The following KCNJ6 variants were observed in gnomAD, a reference collection of about 807,000 sequenced individuals.
The protein encoded by KCNJ6 is potassium inwardly rectifying channel subfamily J member 6.
In KCNJ6, 9 loss-of-function variants were observed where a neutral mutation model predicts 34.2. That is an observed-to-expected ratio of 0.26 (90% CI 0.16 to 0.46). The LOEUF (loss-of-function observed/expected upper bound fraction) is 0.46, where lower values mean the gene tolerates loss of function less well. Among genes scored for constraint, KCNJ6 ranks in the 20% least tolerant of loss-of-function variants. KCNJ6 has a pLI of 1.00. For missense variants in KCNJ6, 236 were observed against 531.3 expected, an observed-to-expected ratio of 0.44 and a Z score of 5.46; for synonymous variants, 196 against 207.1, an observed-to-expected ratio of 0.95 and a Z score of 0.46.
chr21:37,885,696 A>G (rs1447083475), intron 1 of KCNJ6, among the ~76,000 whole-genome samples: 1 of 152,206 alleles, frequency 6.6e-6, no homozygotes, highest in Non-Finnish European at 1.5e-5. Context: ...GCCTCAAGGA[A>G]TTGAATTCTG....
chr21:37,888,915 A>C (rs924362679), intron 1 of KCNJ6, among the ~76,000 whole-genome samples: 14 of 152,366 alleles, frequency 9.2e-5, no homozygotes, highest in African/African-American at 3.4e-4. Context: ...TCATCAAGGT[A>C]TAACCTGAGG....
chr21:37,814,758 C>T (rs910006386), intron 2 of KCNJ6, among the ~76,000 whole-genome samples: 17 of 151,872 alleles, frequency 1.1e-4, no homozygotes, highest in African/African-American at 3.4e-4. Flanking sequence ...ATTAGCCAGG[C>T]GTGGTGGCGG....
intron 2 of KCNJ6, among the ~76,000 whole-genome samples, chr21:37,808,455 C>G (rs1011982837): frequency 6.6e-6 from 1 of 152,198 alleles, no homozygotes; most frequent in Non-Finnish European, 1.5e-5. Flanking sequence ...ACCACCTCCT[C>G]TCAGAAATGC....
intron 2 of KCNJ6, among the ~76,000 whole-genome samples, chr21:37,795,770 G>C (rs1034486695): frequency 7.4e-5 from 11 of 149,472 alleles, no homozygotes; most frequent in Non-Finnish European, 1.3e-4. Flanking sequence ...CTGCCACATA[G>C]AATGCAACCA....
intron 1 of KCNJ6, among the ~76,000 whole-genome samples, chr21:37,854,162 C>A (rs1307756209): frequency 6.6e-6 from 1 of 151,188 alleles, no homozygotes; most frequent in Non-Finnish European, 1.5e-5. Flanking sequence ...GTATAAAAAG[C>A]AACTCCAACT....
At chr21:37,699,074 G>A (rs1053209457) in intron 3 of KCNJ6, among the ~76,000 whole-genome samples, 2 of 152,162 alleles carry the variant, frequency 1.3e-5, no homozygotes, top group Admixed American at 6.5e-5. Flanking sequence ...AAAATGATAT[G>A]TGTCCATAAA....
intron 1 of KCNJ6, among the ~76,000 whole-genome samples, chr21:37,840,932 G>A (rs1038056329): frequency 6.6e-6 from 1 of 152,274 alleles, no homozygotes; most frequent in Non-Finnish European, 1.5e-5. Context: ...TCTTGGAAAT[G>A]AGCATCTGTC....
At chr21:37,806,107 T>A (rs1018027165) in intron 2 of KCNJ6, among the ~76,000 whole-genome samples, 1 of 152,210 alleles carries the variant, frequency 6.6e-6, no homozygotes, top group Admixed American at 6.5e-5. Context: ...TCTGCTTCTA[T>A]GTGATCTGTG....
At chr21:37,887,347 A>G (rs1267619039) in intron 1 of KCNJ6, among the ~76,000 whole-genome samples, 1 of 152,268 alleles carries the variant, frequency 6.6e-6, no homozygotes, top group African/African-American at 2.4e-5. Context: ...GGCTTCCTGC[A>G]AAACCAAGCC....
intron 1 of KCNJ6, among the ~76,000 whole-genome samples, chr21:37,883,051 C>T (rs141963708): frequency 4.6e-5 from 7 of 152,290 alleles, no homozygotes; most frequent in African/African-American, 9.6e-5. Flanking sequence ...TGTATTCACG[C>T]GCTTTTACGC....
intron 2 of KCNJ6, among the ~76,000 whole-genome samples, chr21:37,819,874 C>T (rs1316638162): frequency 2.0e-5 from 3 of 151,978 alleles, no homozygotes; most frequent in Non-Finnish European, 2.9e-5. Context: ...ACCTCTGCCC[C>T]CTGTGTTCAA....
chr21:37,637,340 A>AT (rs1221219549), intron 3 of KCNJ6, among the ~76,000 whole-genome samples: 17 of 152,344 alleles, frequency 1.1e-4, no homozygotes, highest in African/African-American at 4.1e-4. Context: ...TTACCCAAAT[A>AT]TTAGAGGGCC....
At position 37,607,420 on chromosome 21, in the gene KCNJ6, C is replaced by T. The variant is rs907071469; in HGVS notation, c.*17739G>A. 12 of 147,332 alleles carry T rather than the reference C, an allele frequency of 8.1e-5. No homozygotes were observed. Among genetic ancestry groups the T allele is most frequent in the Non-Finnish European group, 1.5e-4 (10 of 67,360 alleles). 9.1% of individuals were successfully genotyped at this position (147,332 alleles called of 1,614,324 possible). A position where few individuals can be genotyped will look rare whatever the true frequency, so the allele number is the denominator to read the frequency against. On this transcript the variant is annotated 3_prime_UTR_variant, in exon 4 of 4. Transcript: ENST00000609713. ...TGTTCCAGTCAAAAAAAGAGGAACA[C>T]CTCAATATGTAAACAGTTTCCCTAA...
chr21:37,755,428 A>G (rs959638750), intron 2 of KCNJ6, among the ~76,000 whole-genome samples: 5 of 152,234 alleles, frequency 3.3e-5, no homozygotes, highest in Non-Finnish European at 7.3e-5. Context: ...GCAAATCTTC[A>G]AATGTTACCT....
chr21:37,670,292 G>A (rs1024936096), intron 3 of KCNJ6, among the ~76,000 whole-genome samples: 1 of 152,138 alleles, frequency 6.6e-6, no homozygotes, highest in Non-Finnish European at 1.5e-5. Context: ...TTTGAAATGA[G>A]GAAGTGTGAA....
rs1453013655 is a variant in KCNJ6, at chr21:37,620,662, G to A, written c.*4497C>T. 2.0e-5 allele frequency: 3 copies of A among 151,720 alleles called. No homozygotes were observed. The highest frequency in any genetic ancestry group is 2.0e-4 in the Admixed American group (3 of 15,222). The allele number at this position is 151,720 out of a possible 1,614,324, so 9.4% of individuals were successfully genotyped here. On this transcript the variant is annotated 3_prime_UTR_variant, in exon 4 of 4. Transcript: ENST00000609713. Reference sequence around the variant, plus strand: ...CTATGATTCACTGGCCTTTAAACTTGGCCAATTTGCCCAAACCCTAGTTTT... The same window carrying A: ...CTATGATTCACTGGCCTTTAAACTTAGCCAATTTGCCCAAACCCTAGTTTT...
intron 1 of KCNJ6, among the ~76,000 whole-genome samples, chr21:37,870,303 A>G (rs573248511): frequency 6.6e-6 from 1 of 151,486 alleles, no homozygotes; most frequent in African/African-American, 2.4e-5. Context: ...TAAATTAAAG[A>G]TCTGAAAGCA....
intron 1 of KCNJ6, among the ~76,000 whole-genome samples, chr21:37,861,072 C>A (rs1374241850): frequency 6.6e-6 from 1 of 152,150 alleles, no homozygotes. Flanking sequence ...GATATGAAAA[C>A]CACTTAGAAG....
intron 2 of KCNJ6, among the ~76,000 whole-genome samples, chr21:37,830,447 AG>A (rs1444565034): frequency 6.6e-6 from 1 of 152,190 alleles, no homozygotes; most frequent in Admixed American, 6.5e-5. Context: ...TTGCTCCCCC[AG>A]GGAAAATTTA....
Sources: gnomAD v4.1 joint callset for allele counts (sites outside exome capture counted in the v4.1 genomes callset) on GRCh38, gnomAD v4.1.1 for gene constraint, MANE v1.5 for transcripts, NCBI Gene and HGNC (gene_info 2026-07-23, HGNC 2026-07-21) for gene names.